The following SMC1B variants were observed in gnomAD, a reference collection of about 807,000 sequenced individuals.
The protein encoded by SMC1B is structural maintenance of chromosomes 1B.
SMC1B carries 60 observed loss-of-function variants against 157.9 expected under a neutral mutation model. The ratio of observed to expected loss-of-function variants is 0.38; its 90% CI spans 0.31 to 0.47. The LOEUF (loss-of-function observed/expected upper bound fraction) is 0.47. Among genes scored for constraint, SMC1B ranks in the 20% least tolerant of loss-of-function variants. The pLI, the probability that SMC1B is intolerant of heterozygous loss-of-function variation, is 0.99. For missense variants in SMC1B, 1,165 were observed against 1,426.2 expected, an observed-to-expected ratio of 0.82 and a Z score of 2.95; for synonymous variants, 445 against 483.0, an observed-to-expected ratio of 0.92 and a Z score of 1.03.
chr22:45,399,401 T>C (rs1458996576), intron 5 of SMC1B, 48 bp from the exon 6 acceptor site: 2 of 1,501,918 alleles, frequency 1.3e-6, no homozygotes, highest in African/African-American at 2.8e-5. Context: ...ATTTCTTTAA[T>C]ATATAAAGGG....
intron 19 of SMC1B, among the ~76,000 whole-genome samples, 178 bp downstream of exon 19, chr22:45,358,519 C>T (rs2086690594): frequency 6.6e-6 from 1 of 152,128 alleles, no homozygotes; most frequent in African/African-American, 2.4e-5. Context: ...GGCAGAGACC[C>T]ACAATTTGTG....
chr22:45,386,539 A>G (rs566823506), intron 11 of SMC1B, among the ~76,000 whole-genome samples: 1 of 152,138 alleles, frequency 6.6e-6, no homozygotes, highest in South Asian at 2.1e-4. Flanking sequence ...ATTCAAAACC[A>G]CAGGTACCAT....
At chr22:45,353,695 A>G (rs1305942023) in intron 21 of SMC1B, among the ~76,000 whole-genome samples, 1 of 152,112 alleles carries the variant, frequency 6.6e-6, no homozygotes, top group East Asian at 1.9e-4. Context: ...GAACTAAAAG[A>G]GAATTTGGAA....
intron 1 of SMC1B, among the ~76,000 whole-genome samples, chr22:45,412,346 G>T (rs897268754): frequency 1.3e-5 from 2 of 150,966 alleles, no homozygotes; most frequent in Non-Finnish European, 2.9e-5. Context: ...GATTACAGGT[G>T]CATGTCACCA....
At chr22:45,355,558 A>G (rs1414639747) in intron 19 of SMC1B, among the ~76,000 whole-genome samples, 1 of 152,044 alleles carries the variant, frequency 6.6e-6, no homozygotes, top group African/African-American at 2.4e-5. Flanking sequence ...ACCTTAAGCA[A>G]TCCTCCCACT....
Position 45,402,514 on chromosome 22 carries a change from G to C in SMC1B, c.673C>G (p.Leu225Val), listed in dbSNP as rs201445826. 1.2e-5 allele frequency: 20 copies of C among 1,613,880 alleles called. No individual in the cohort carries two copies. In the South Asian group the frequency reaches 2.0e-4, roughly 16 times the overall value. ...TTCTCATTATGGTATAGTTGAAAAA[G>C]CTGCAGTTGTATCTTGTTCATTTTC... The part of the protein sequence containing the change: ...ELKMNKIQLQ[L>V]FQLYHNEKKI... Residue 225 changes from leucine (L) to valine (V), a missense_variant, in exon 5 of 25, where the codon CTT (leucine) becomes GTT (valine). Leu to Val is a conservative substitution (Grantham distance 32). Transcript: ENST00000357450.
chr22:45,377,402 G>C (rs2086893273), intron 12 of SMC1B, among the ~76,000 whole-genome samples: 1 of 151,994 alleles, frequency 6.6e-6, no homozygotes, highest in Non-Finnish European at 1.5e-5. Context: ...ACTTTGGGAG[G>C]CCAAGGCAGG....
At chr22:45,401,703 T>C (rs548681019) in intron 5 of SMC1B, among the ~76,000 whole-genome samples, 11 of 152,342 alleles carry the variant, frequency 7.2e-5, no homozygotes, top group African/African-American at 2.4e-4. Flanking sequence ...TGTACTTCAC[T>C]GTGGACCAGA....
At chr22:45,355,355 C>A (rs1243652960) in intron 19 of SMC1B, among the ~76,000 whole-genome samples, 1 of 152,172 alleles carries the variant, frequency 6.6e-6, no homozygotes, top group Non-Finnish European at 1.5e-5. Context: ...TAAAGAGCAA[C>A]AATTTATACT....
At chr22:45,359,782 T>C in intron 18 of SMC1B, 23 bp downstream of exon 18, 1 of 1,607,826 alleles carries the variant, frequency 6.2e-7, no homozygotes, top group Non-Finnish European at 8.5e-7. Context: ...CGGCACATAT[T>C]TTACAGTCAT....
At chr22:45,358,660 T>C (rs748687831) in intron 19 of SMC1B, 37 bp downstream of exon 19, 3 of 1,217,384 alleles carry the variant, frequency 2.5e-6, no homozygotes, top group South Asian at 2.6e-5. Context: ...TATTCCGTAT[T>C]ACTGTGAGTG....
chr22:45,408,646 G>GA (rs1159723196), intron 2 of SMC1B, 64 bp downstream of exon 2: 3 of 1,184,748 alleles, frequency 2.5e-6, no homozygotes, highest in African/African-American at 1.6e-5. Flanking sequence ...TCCAAAGAAA[G>GA]AAAAAATGGG....
intron 6 of SMC1B, 105 bp from the exon 7 acceptor site, chr22:45,396,591 C>T: frequency 1.1e-6 from 1 of 929,498 alleles, no homozygotes; most frequent in Non-Finnish European, 1.5e-6. Context: ...TTCCCAAAAG[C>T]TTGCTTTATA....
intron 10 of SMC1B, 108 bp downstream of exon 10, chr22:45,389,604 C>T: frequency 3.2e-6 from 3 of 940,458 alleles, no homozygotes; most frequent in Non-Finnish European, 4.8e-6. Context: ...TAACTGGCAT[C>T]CAAGCTACAA....
In SMC1B at chr22:45,394,711, C is replaced by T; in HGVS notation, c.1311G>A (p.Lys437=). 1 of 1,563,704 alleles carries T rather than the reference C, an allele frequency of 6.4e-7. No individual in the cohort carries two copies. The highest frequency in any genetic ancestry group is 8.7e-7 in the Non-Finnish European group (1 of 1,148,880). Residue 437 remains lysine, a synonymous_variant, in exon 8 of 25, where the codon AAG becomes AAA. Transcript: ENST00000357450. ...QIEDHKKRIE[K]LEEYTKTCMD... ...TGCATGTCTTTGTATACTCCTCTAA[C>T]TTCTCTATTCGTTTTTTATGATCTT...
chr22:45,367,141 G>C (rs1044854896), intron 15 of SMC1B, among the ~76,000 whole-genome samples: 2 of 152,076 alleles, frequency 1.3e-5, no homozygotes, highest in African/African-American at 4.8e-5. Flanking sequence ...TGTCTGTTTT[G>C]GGAGGTCATG....
intron 12 of SMC1B, among the ~76,000 whole-genome samples, chr22:45,380,910 A>T (rs928432351): frequency 1.3e-5 from 2 of 152,034 alleles, no homozygotes; most frequent in Non-Finnish European, 2.9e-5. Flanking sequence ...TGGGTGATGG[A>T]GCAAGAACTG....
At chr22:45,358,636 C>CT in intron 19 of SMC1B, 61 bp downstream of exon 19, 1 of 1,007,702 alleles carries the variant, frequency 9.9e-7, no homozygotes, top group Non-Finnish European at 1.5e-6. Flanking sequence ...AAAAATGATT[C>CT]GGTAAGATTT....
chr22:45,346,435 G>T (rs948639502), intron 23 of SMC1B, among the ~76,000 whole-genome samples: 1 of 152,108 alleles, frequency 6.6e-6, no homozygotes, highest in African/African-American at 2.4e-5. Flanking sequence ...AACTTGGACG[G>T]TGATAAACCC....
Sources: gnomAD v4.1 joint callset for allele counts (sites outside exome capture counted in the v4.1 genomes callset) on GRCh38, gnomAD v4.1.1 for gene constraint, MANE v1.5 for transcripts, NCBI Gene and HGNC (gene_info 2026-07-23, HGNC 2026-07-21) for gene names.